The following TMEM229A variants were observed in gnomAD, a reference collection of about 807,000 sequenced individuals.
TMEM229A encodes the protein transmembrane protein 229A.
In TMEM229A, 23 loss-of-function variants were observed where a neutral mutation model predicts 30.0. That is an observed-to-expected ratio of 0.77 (90% confidence interval 0.55 to 1.09). The LOEUF (loss-of-function observed/expected upper bound fraction) is 1.09. Among genes scored for constraint, TMEM229A ranks in the 50% least tolerant of loss-of-function variants. The probability of loss-of-function intolerance (pLI) is 0.00; values close to 1 mark genes in which losing one functional copy is unlikely to be tolerated. For missense variants in TMEM229A, 534 were observed against 525.9 expected, an observed-to-expected ratio of 1.02 and a Z score of -0.15; for synonymous variants, 264 against 241.5, an observed-to-expected ratio of 1.09 and a Z score of -0.86.
At position 124,031,825 on chromosome 7, in the gene TMEM229A, A is replaced by C; in HGVS notation, c.*36T>G. 1 of 1,459,884 alleles carries C rather than the reference A, an allele frequency of 6.8e-7. No individual in the cohort carries two copies. The highest frequency in any genetic ancestry group is 9.1e-7 in the Non-Finnish European group (1 of 1,103,260). 90.4% of individuals were successfully genotyped at this position (1,459,884 alleles called of 1,614,324 possible). A position where few individuals can be genotyped will look rare whatever the true frequency, so the allele number is the denominator to read the frequency against. ...AAATCGCATCCATTCGTGGGAATCC[A>C]GTGACTTTTTCCTTTTCTTTCTTTC... is the stretch of plus-strand genomic sequence containing the variant. On this transcript the variant is annotated 3_prime_UTR_variant, in exon 1 of 1. Transcript: ENST00000455783. The surrounding 1 kb of genome is among the most constrained non-coding windows in gnomAD (Gnocchi z 4.1).
Position 124,031,167 on chromosome 7 carries a change from C to A in TMEM229A, c.*694G>T, listed in dbSNP as rs1353798272. ...AGGCTTACCCACATTGGAAAGCAAT[C>A]ATTTCCAGGATGGAGATCAAATATC... On this transcript the variant is annotated 3_prime_UTR_variant, in exon 1 of 1. Coordinates refer to ENST00000455783, the MANE Select transcript of TMEM229A (RefSeq NM_001136002.2). The surrounding 1 kb of genome is among the most constrained non-coding windows in gnomAD (Gnocchi z 4.1). The A allele has an allele frequency of 6.6e-6, 1 of 152,228 alleles. No individual in the cohort carries two copies. The highest frequency in any genetic ancestry group is 1.5e-5 in the Non-Finnish European group (1 of 68,046). 9.4% of individuals were successfully genotyped at this position (152,228 alleles called of 1,614,324 possible). A position where few individuals can be genotyped will look rare whatever the true frequency, so the allele number is the denominator to read the frequency against.
Position 124,032,610 on chromosome 7 carries a change from G to A in TMEM229A, c.394C>T (p.Leu132=). ...FLLYPSAHVG[L]QTLAGQALLL... is the part of the protein sequence containing the mutation. ...AGCGCCTGGCCCGCTAGGGTCTGCA[G>A]CCCCACGTGGGCCGAGGGGTAGAGG... The change falls in exon 1 of 1, where the codon CTG becomes TTG. Residue 132 remains leucine (L), a synonymous_variant. Coordinates refer to ENST00000455783, the MANE Select transcript of TMEM229A (RefSeq NM_001136002.2). The surrounding 1 kb of genome is among the most constrained non-coding windows in gnomAD (Gnocchi z 6.6). The A allele has an allele frequency of 6.4e-7, 1 of 1,551,044 alleles. No homozygotes were observed. The highest frequency in any genetic ancestry group is 8.7e-7 in the Non-Finnish European group (1 of 1,146,658).
At position 124,032,425 on chromosome 7, in the gene TMEM229A, CTGCTGT is replaced by C. The variant is rs759700166; in HGVS notation, c.573_578del (p.Gln199_Gln200del). On this transcript the variant is annotated inframe_deletion, in exon 1 of 1. Transcript: ENST00000455783. This position sits in a 1 kb window ranked among gnomAD's most constrained non-coding sequence, Gnocchi z 6.6. The stretch of plus-strand genomic sequence containing the variant: ...TCCGCTGCTGCTGCTGCTGCTGCTG[CTGCTGT>C]TGCTGCTGCCGCCGCCTCTGTCGCC... 1.8e-3 allele frequency: 2,585 copies of C among 1,453,812 alleles called. 30 individuals are homozygous for C. In the African/African-American group the frequency reaches 0.037, roughly 21 times the overall value. The allele number at this position is 1,453,812 out of a possible 1,614,324, so 90.1% of individuals were successfully genotyped here.
At position 124,032,898 on chromosome 7, in the gene TMEM229A, G is replaced by A; in HGVS notation, c.106C>T (p.Pro36Ser). 2 of 1,448,450 alleles carry A rather than the reference G, an allele frequency of 1.4e-6. No individual in the cohort carries two copies. 89.7% of individuals were successfully genotyped at this position (1,448,450 alleles called of 1,614,324 possible). ...GCTTCAGCAGTGGACAGCGGCTCCGGGCAGCCGGCTGCCGCCTCGCTTCCT... is the reference window on the plus strand; with the variant it reads ...GCTTCAGCAGTGGACAGCGGCTCCGAGCAGCCGGCTGCCGCCTCGCTTCCT... ...GPGSEAAAGC[P>S]EPLSTAEAPA... Residue 36 changes from proline to serine, a missense_variant, in exon 1 of 1, where the codon CCG becomes TCG. By Grantham distance (74) the Pro-to-Ser change is moderately conservative. Transcript: ENST00000455783. This position sits in a 1 kb window ranked among gnomAD's most constrained non-coding sequence, Gnocchi z 6.6.
Position 124,032,637 on chromosome 7 carries a change from G to A in TMEM229A, c.367C>T (p.Leu123Phe). ...RCPNAFVFNF[L>F]LYPSAHVGLQ... ...CCCACGTGGGCCGAGGGGTAGAGGA[G>A]GAAATTGAAGACGAAGGCGTTGGGA... Residue 123 changes from leucine (L) to phenylalanine (F), a missense_variant, in exon 1 of 1, where the codon CTC becomes TTC. By Grantham distance (22) the Leu-to-Phe change is conservative (BLOSUM62 0). Transcript: ENST00000455783. The surrounding 1 kb of genome is among the most constrained non-coding windows in gnomAD (Gnocchi z 6.6). 3 of 1,551,342 alleles carry A rather than the reference G, an allele frequency of 1.9e-6. No individual in the cohort carries two copies. The highest frequency in any genetic ancestry group is 2.6e-6 in the Non-Finnish European group (3 of 1,146,798).
At position 124,032,331 on chromosome 7, in the gene TMEM229A, G is replaced by A. The variant is rs1284534828; in HGVS notation, c.673C>T (p.Arg225Cys). Residue 225 changes from arginine (R) to cysteine (C), a missense_variant, in exon 1 of 1, where the codon CGT becomes TGT. Coordinates refer to ENST00000455783, the MANE Select transcript of TMEM229A (RefSeq NM_001136002.2). The surrounding 1 kb of genome is among the most constrained non-coding windows in gnomAD (Gnocchi z 6.6). ...GCTCCCCCGGCGCCCCTGGGGCCAC[G>A]GGGTCGTCGCCGCCGGGCTCCGGCC... Reference protein sequence around the residue: ...TAAGARRRRPRGPRGAGGAPS... With the variant: ...TAAGARRRRPCGPRGAGGAPS... 2 of 1,544,446 alleles carry A rather than the reference G, an allele frequency of 1.3e-6. No individual in the cohort carries two copies. The highest frequency in any genetic ancestry group is 1.7e-6 in the Non-Finnish European group (2 of 1,144,682).
At position 124,032,160 on chromosome 7, in the gene TMEM229A, A is replaced by C. The variant is rs1423146147; in HGVS notation, c.844T>G (p.Phe282Val). The change falls in exon 1 of 1, where the codon TTT becomes GTT. Residue 282 changes from phenylalanine (F) to valine (V), a missense_variant. Transcript: ENST00000455783. The surrounding 1 kb of genome is among the most constrained non-coding windows in gnomAD (Gnocchi z 6.6). ...TSGHTSLWSF[F>V]MYGSCSFVVE... ...ACGAAACTGCAGCTGCCGTACATAA[A>C]GAAGGACCAGAGCGACGTGTGGCCG... 1 of 1,551,830 alleles carries C rather than the reference A, an allele frequency of 6.4e-7. No individual in the cohort carries two copies. Among genetic ancestry groups the C allele is most frequent in the Non-Finnish European group, 8.7e-7 (1 of 1,147,016 alleles).
At position 124,032,749 on chromosome 7, in the gene TMEM229A, C is replaced by T; in HGVS notation, c.255G>A (p.Met85Ile). 1 of 1,551,422 alleles carries T rather than the reference C, an allele frequency of 6.4e-7. No individual in the cohort carries two copies. Among genetic ancestry groups the T allele is most frequent in the Non-Finnish European group, 8.7e-7 (1 of 1,146,888 alleles). ...RRFARSPDLR[M>I]LGFSSPYRCL... ...AGCGGTAGGGCGAGGAGAAGCCTAGCATCCGCAGGTCCGGGCTGCGGGCGA... is the reference window on the plus strand; with the variant it reads ...AGCGGTAGGGCGAGGAGAAGCCTAGTATCCGCAGGTCCGGGCTGCGGGCGA... The change falls in exon 1 of 1, where the codon ATG becomes ATA. Residue 85 changes from methionine to isoleucine, a missense_variant. By Grantham distance (10) the Met-to-Ile change is conservative. Transcript: ENST00000455783. This position sits in a 1 kb window ranked among gnomAD's most constrained non-coding sequence, Gnocchi z 6.6.
chr7:124,032,316 CGCCCCTGGG>C lies in TMEM229A; in HGVS notation c.679_687del (p.Pro227_Gly229del). The C allele has an allele frequency of 6.5e-7, 1 of 1,548,978 alleles. No individual in the cohort carries two copies. Among genetic ancestry groups the C allele is most frequent in the Non-Finnish European group, 8.7e-7 (1 of 1,146,520 alleles). On this transcript the variant is annotated inframe_deletion, in exon 1 of 1. Transcript: ENST00000455783. This position sits in a 1 kb window ranked among gnomAD's most constrained non-coding sequence, Gnocchi z 6.6. ...AGCCCCTGGCTGGGGGCTCCCCCGGCGCCCCTGGGGCCACGGGGTCGTCGCCGCCGGGCT... is the reference window on the plus strand; with the variant it reads ...AGCCCCTGGCTGGGGGCTCCCCCGGCGCCACGGGGTCGTCGCCGCCGGGCT...
chr7:124,032,524 C>T lies in TMEM229A; in HGVS notation c.480G>A (p.Ala160=). The part of the protein sequence containing the change: ...VAVAPGALDL[A]LQYVLALYHC... The stretch of plus-strand genomic sequence containing the variant: ...GGTAGAGCGCCAGCACGTACTGCAG[C>T]GCCAGGTCCAGCGCCCCTGGCGCCA... Residue 160 remains alanine, a synonymous_variant, in exon 1 of 1, where the codon GCG becomes GCA. Transcript: ENST00000455783. The surrounding 1 kb of genome is among the most constrained non-coding windows in gnomAD (Gnocchi z 6.6). The T allele has an allele frequency of 6.5e-7, 1 of 1,549,748 alleles. No individual in the cohort carries two copies. The highest frequency in any genetic ancestry group is 1.2e-5 in the South Asian group (1 of 83,998).
rs2116112386 is a variant in TMEM229A, at chr7:124,032,999, G to A, written c.5C>T (p.Ala2Val). The change falls in exon 1 of 1, where the codon GCG (alanine) becomes GTG (valine). Residue 2 changes from alanine (A) to valine (V), a missense_variant. Ala to Val is a moderately conservative substitution (Grantham distance 64). Coordinates refer to ENST00000455783, the MANE Select transcript of TMEM229A (RefSeq NM_001136002.2). The surrounding 1 kb of genome is among the most constrained non-coding windows in gnomAD (Gnocchi z 6.6). M[A>V]GSDVDSEGPA... Reference sequence around the variant, plus strand: ...GCCCTCGCTGTCCACGTCGCTCCCCGCCATGGGCTCGGAGGCTGTCCGAAC... The same window carrying A: ...GCCCTCGCTGTCCACGTCGCTCCCCACCATGGGCTCGGAGGCTGTCCGAAC... The A allele has an allele frequency of 7.9e-7, 1 of 1,269,806 alleles. No homozygotes were observed. Among genetic ancestry groups the A allele is most frequent in the Middle Eastern group, 3.0e-4 (1 of 3,334 alleles). The allele number at this position is 1,269,806 out of a possible 1,614,324, so 78.7% of individuals were successfully genotyped here.
Position 124,032,663 on chromosome 7 carries a change from C to T in TMEM229A, c.341G>A (p.Cys114Tyr). The T allele has an allele frequency of 3.9e-6, 6 of 1,551,502 alleles. No homozygotes were observed. The highest frequency in any genetic ancestry group is 3.9e-5 in the Admixed American group (2 of 50,998). ...GAAATTGAAGACGAAGGCGTTGGGA[C>T]AGCGCCGCTGCTGCAGGTACACCTT... ...LEKVYLQQRR[C>Y]PNAFVFNFLL... Residue 114 changes from cysteine to tyrosine, a missense_variant, in exon 1 of 1, where the codon TGT (cysteine) becomes TAT (tyrosine). Physicochemically the swap from Cys to Tyr is radical, Grantham distance 194. Transcript: ENST00000455783. This position sits in a 1 kb window ranked among gnomAD's most constrained non-coding sequence, Gnocchi z 6.6.
rs1472422265 is a variant in TMEM229A, at chr7:124,033,023, A to G, written c.-20T>C. 1.2e-5 allele frequency: 15 copies of G among 1,241,310 alleles called. No individual in the cohort carries two copies. The highest frequency in any genetic ancestry group is 1.5e-5 in the Non-Finnish European group (15 of 995,904). 76.9% of individuals were successfully genotyped at this position (1,241,310 alleles called of 1,614,324 possible). On this transcript the variant is annotated 5_prime_UTR_variant, in exon 1 of 1. Coordinates refer to ENST00000455783, the MANE Select transcript of TMEM229A (RefSeq NM_001136002.2). ...CGCCATGGGCTCGGAGGCTGTCCGA[A>G]CGCCCGAGGCTGCACCGCCGCCGCT...
At position 124,031,569 on chromosome 7, in the gene TMEM229A, G is replaced by GGTATA. The variant is rs1350187148; in HGVS notation, c.*287_*291dup. On this transcript the variant is annotated 3_prime_UTR_variant, in exon 1 of 1. Coordinates refer to ENST00000455783, the MANE Select transcript of TMEM229A (RefSeq NM_001136002.2). The surrounding 1 kb of genome is among the most constrained non-coding windows in gnomAD (Gnocchi z 4.1). ...CACTACTACATCATTCTGATGTTAA[G>GGTATA]GTATAACGGTTTTGCTGTTTGGGCG... 2 of 261,346 alleles carry GGTATA rather than the reference G, an allele frequency of 7.7e-6. No homozygotes were observed. Among genetic ancestry groups the GGTATA allele is most frequent in the Admixed American group, 1.0e-4 (2 of 19,828 alleles). The allele number at this position is 261,346 out of a possible 1,614,324, so 16.2% of individuals were successfully genotyped here.
At position 124,032,303 on chromosome 7, in the gene TMEM229A, G is replaced by C. The variant is rs1437194162; in HGVS notation, c.701C>G (p.Pro234Arg). 1.5e-5 allele frequency: 23 copies of C among 1,550,372 alleles called. No homozygotes were observed. The East Asian group carries it at 5.4e-4, about 36-fold the overall frequency. The part of the protein sequence containing the change: ...PRGPRGAGGA[P>R]SQGLPDLPRF... ...GGGTAGGTCGGGCAGCCCCTGGCTG[G>C]GGGCTCCCCCGGCGCCCCTGGGGCC... The change falls in exon 1 of 1, where the codon CCC (proline) becomes CGC (arginine). Residue 234 changes from proline (P) to arginine (R), a missense_variant. Pro to Arg is a moderately radical substitution (Grantham distance 103). Coordinates refer to ENST00000455783, the MANE Select transcript of TMEM229A (RefSeq NM_001136002.2). This position sits in a 1 kb window ranked among gnomAD's most constrained non-coding sequence, Gnocchi z 6.6.
chr7:124,033,024 C>T lies in TMEM229A; in HGVS notation c.-21G>A. 2.4e-6 allele frequency: 3 copies of T among 1,236,174 alleles called. No homozygotes were observed. The highest frequency in any genetic ancestry group is 3.0e-6 in the Non-Finnish European group (3 of 992,752). The allele number at this position is 1,236,174 out of a possible 1,614,324, so 76.6% of individuals were successfully genotyped here. On this transcript the variant is annotated 5_prime_UTR_variant, in exon 1 of 1. Coordinates refer to ENST00000455783, the MANE Select transcript of TMEM229A (RefSeq NM_001136002.2). The stretch of plus-strand genomic sequence containing the variant: ...GCCATGGGCTCGGAGGCTGTCCGAA[C>T]GCCCGAGGCTGCACCGCCGCCGCTG...
Position 124,032,330 on chromosome 7 carries a change from C to A in TMEM229A, c.674G>T (p.Arg225Leu), listed in dbSNP as rs1008318038. 1 of 1,544,416 alleles carries A rather than the reference C, an allele frequency of 6.5e-7. No individual in the cohort carries two copies. Among genetic ancestry groups the A allele is most frequent in the African/African-American group, 1.4e-5 (1 of 72,584 alleles). Residue 225 changes from arginine (R) to leucine (L), a missense_variant, in exon 1 of 1, where the codon CGT becomes CTT. Arg to Leu is a moderately radical substitution (Grantham distance 102, BLOSUM62 -2). Transcript: ENST00000455783. The surrounding 1 kb of genome is among the most constrained non-coding windows in gnomAD (Gnocchi z 6.6). Reference protein sequence around the residue: ...TAAGARRRRPRGPRGAGGAPS... With the variant: ...TAAGARRRRPLGPRGAGGAPS... ...GGCTCCCCCGGCGCCCCTGGGGCCA[C>A]GGGGTCGTCGCCGCCGGGCTCCGGC...
At position 124,031,817 on chromosome 7, in the gene TMEM229A, G is replaced by A. The variant is rs1486651862; in HGVS notation, c.*44C>T. 2.1e-6 allele frequency: 3 copies of A among 1,454,698 alleles called. No homozygotes were observed. The highest frequency in any genetic ancestry group is 2.7e-6 in the Non-Finnish European group (3 of 1,100,386). 90.1% of individuals were successfully genotyped at this position (1,454,698 alleles called of 1,614,324 possible). ...GTAAAAATAAATCGCATCCATTCGT[G>A]GGAATCCAGTGACTTTTTCCTTTTC... On this transcript the variant is annotated 3_prime_UTR_variant, in exon 1 of 1. Coordinates refer to ENST00000455783, the MANE Select transcript of TMEM229A (RefSeq NM_001136002.2). This position sits in a 1 kb window ranked among gnomAD's most constrained non-coding sequence, Gnocchi z 4.1.
Position 124,032,236 on chromosome 7 carries a change from G to A in TMEM229A, c.768C>T (p.Ile256=). 2 of 1,551,682 alleles carry A rather than the reference G, an allele frequency of 1.3e-6. No individual in the cohort carries two copies. The highest frequency in any genetic ancestry group is 1.2e-5 in the South Asian group (1 of 84,062). The change falls in exon 1 of 1, where the codon ATC becomes ATT. Residue 256 remains isoleucine (I), a synonymous_variant. Transcript: ENST00000455783. This position sits in a 1 kb window ranked among gnomAD's most constrained non-coding sequence, Gnocchi z 6.6. ...GTACGTTGAAGAAGAAGGTGAAGAA[G>A]ATCTCATCCAGAAAGCCGTGCATTC... ...FFGMHGFLDE[I]FFTFFFNVLG...
Sources: allele counts gnomAD v4.1 joint callset, GRCh38; gene constraint gnomAD v4.1.1; non-coding constraint Gnocchi (gnomAD v3.1); transcripts MANE v1.5; gene names NCBI Gene and HGNC (gene_info 2026-07-23, HGNC 2026-07-21).